DNER: variants seen among roughly 807,000 people sequenced by gnomAD.
DNER encodes the protein delta and Notch-like epidermal growth factor-related receptor.
A neutral mutation model predicts 78.2 loss-of-function variants in DNER; 33 were observed. That is an observed-to-expected ratio of 0.42 (90% CI 0.32 to 0.56). DNER has a LOEUF of 0.56. Among genes scored for constraint, DNER ranks in the 20% least tolerant of loss-of-function variants. DNER has a pLI of 0.11. For synonymous variants in DNER, 417 were observed against 384.8 expected, an observed-to-expected ratio of 1.08 and a Z score of -0.98; for missense variants, 918 against 975.3, an observed-to-expected ratio of 0.94 and a Z score of 0.78.
At chr2:229,700,290 G>GTGTGCAT (rs749320802) in intron 1 of DNER, among the ~76,000 whole-genome samples, 1 of 146,972 alleles carries the variant, frequency 6.8e-6, no homozygotes, top group Non-Finnish European at 1.5e-5. Flanking sequence ...ATATATGTGT[G>GTGTGCAT]TGTGTGTGTG....
intron 1 of DNER, among the ~76,000 whole-genome samples, chr2:229,606,518 T>G (rs1697941563): frequency 6.6e-6 from 1 of 151,986 alleles, no homozygotes; most frequent in Admixed American, 6.6e-5. Context: ...CCATGAATAA[T>G]TAAAATCTCC....
chr2:229,407,818 T>C lies in DNER; in HGVS notation c.1610-473A>G, dbSNP rs140395982. Among the ~76,000 whole-genome samples the C allele has an allele frequency of 3.1e-4, 47 of 152,318 alleles. No individual in the cohort carries two copies. The East Asian group carries it at 7.5e-3, about 24-fold the overall frequency. On this transcript the variant is annotated intron_variant, in intron 9 of 12. Coordinates refer to ENST00000341772, the MANE Select transcript of DNER (RefSeq NM_139072.4). Reference sequence around the variant, plus strand: ...GGGAGAGGGGAAGCCGTGTGATACTTAGACTTCATTCTCAAAGACATCACT... The same window carrying C: ...GGGAGAGGGGAAGCCGTGTGATACTCAGACTTCATTCTCAAAGACATCACT...
At chr2:229,401,633 C>A (rs1294845772) in intron 10 of DNER, among the ~76,000 whole-genome samples, 1 of 151,940 alleles carries the variant, frequency 6.6e-6, no homozygotes, top group African/African-American at 2.4e-5. Context: ...TACAAAAATG[C>A]AAAATACACT....
intron 1 of DNER, among the ~76,000 whole-genome samples, chr2:229,686,190 C>A (rs1699479786): frequency 6.6e-6 from 1 of 152,118 alleles, no homozygotes; most frequent in South Asian, 2.1e-4. Context: ...GGCAAATACA[C>A]CCACATTTGC....
At chr2:229,363,998 T>C (rs1692280103) in intron 12 of DNER, among the ~76,000 whole-genome samples, 1 of 131,228 alleles carries the variant, frequency 7.6e-6, no homozygotes, top group African/African-American at 3.2e-5. Context: ...TTTTTTTTTT[T>C]TTTTTTTTTT....
intron 1 of DNER, among the ~76,000 whole-genome samples, chr2:229,645,902 T>C (rs902615617): frequency 2.0e-5 from 3 of 152,180 alleles, no homozygotes; most frequent in African/African-American, 7.2e-5. Flanking sequence ...AACAACTATA[T>C]GCACACAGTC....
In DNER at chr2:229,536,076, G is replaced by C. The variant is rs551897227; in HGVS notation, c.993+10871C>G. Among the ~76,000 whole-genome samples, 205 of 152,328 alleles carry C rather than the reference G, an allele frequency of 1.3e-3. 1 individual carries two copies. Among genetic ancestry groups the C allele is most frequent in the African/African-American group, 4.7e-3 (196 of 41,576 alleles). The stretch of plus-strand genomic sequence containing the variant: ...TCCTTATAATTTAAAGTCATATTTG[G>C]AGTGGGTGCAGAGGACCGAACACCA... On this transcript the variant is annotated intron_variant, in intron 5 of 12. Transcript: ENST00000341772.
At chr2:229,663,662 A>T (rs141708456) in intron 1 of DNER, among the ~76,000 whole-genome samples, 16 of 152,332 alleles carry the variant, frequency 1.1e-4, no homozygotes, top group African/African-American at 3.6e-4. Flanking sequence ...CCATCCTTAC[A>T]TTGTTATCCA....
At chr2:229,544,760 C>T (rs1696586912) in intron 5 of DNER, among the ~76,000 whole-genome samples, 1 of 152,136 alleles carries the variant, frequency 6.6e-6, no homozygotes, top group Non-Finnish European at 1.5e-5. Flanking sequence ...TCTCGAACTA[C>T]TGACCTCAGG....
At chr2:229,528,912 G>T (rs72983898) in intron 5 of DNER, among the ~76,000 whole-genome samples, 3 of 152,140 alleles carry the variant, frequency 2.0e-5, no homozygotes, top group Non-Finnish European at 4.4e-5. Flanking sequence ...CATGTCCCGG[G>T]GCTGTGGCAG....
chr2:229,524,696 G>A (rs1696171642), intron 5 of DNER, among the ~76,000 whole-genome samples: 2 of 152,184 alleles, frequency 1.3e-5, no homozygotes, highest in African/African-American at 2.4e-5. Flanking sequence ...CTTGGAGATA[G>A]GGAAGAATCA....
chr2:229,386,473 G>T (rs6755840), intron 11 of DNER, among the ~76,000 whole-genome samples: 9,579 of 152,154 alleles, frequency 0.063, 351 homozygotes, highest in Middle Eastern at 0.088. Context: ...TGACAAATGA[G>T]ATCTAATTAA....
intron 5 of DNER, among the ~76,000 whole-genome samples, chr2:229,546,676 C>G (rs1026141615): frequency 6.6e-6 from 1 of 152,134 alleles, no homozygotes; most frequent in African/African-American, 2.4e-5. Flanking sequence ...CCAGAGGTTG[C>G]GGTAAGCCGA....
chr2:229,463,535 G>T (rs1694745255), intron 7 of DNER, among the ~76,000 whole-genome samples: 1 of 152,052 alleles, frequency 6.6e-6, no homozygotes, highest in Non-Finnish European at 1.5e-5. Context: ...TGAACTCCTG[G>T]GTTCAAGTGA....
intron 7 of DNER, among the ~76,000 whole-genome samples, chr2:229,465,883 C>A (rs1259741536): frequency 6.6e-6 from 1 of 151,972 alleles, no homozygotes; most frequent in East Asian, 1.9e-4. Context: ...CCCAATAGCA[C>A]CCCCGTATAT....
At chr2:229,693,925 G>T (rs558036378) in intron 1 of DNER, among the ~76,000 whole-genome samples, 9 of 152,208 alleles carry the variant, frequency 5.9e-5, no homozygotes, top group Non-Finnish European at 1.0e-4. Context: ...TGTCTCCAGG[G>T]CATGTCAGAG....
intron 9 of DNER, among the ~76,000 whole-genome samples, chr2:229,409,440 C>T (rs1045688819): frequency 1.3e-5 from 2 of 152,194 alleles, no homozygotes; most frequent in Non-Finnish European, 2.9e-5. Context: ...TCTAGTAATA[C>T]ATTAACATCA....
intron 4 of DNER, among the ~76,000 whole-genome samples, chr2:229,569,917 T>C (rs1173127710): frequency 1.3e-5 from 2 of 152,176 alleles, no homozygotes; most frequent in Non-Finnish European, 2.9e-5. Flanking sequence ...CTACGAAATA[T>C]GATCAGATGC....
chr2:229,710,975 A>G (rs1276654767), intron 1 of DNER, among the ~76,000 whole-genome samples: 1 of 116,242 alleles, frequency 8.6e-6, no homozygotes, highest in East Asian at 2.4e-4. Context: ...AATGGCATGC[A>G]TACACGCGCA....
Sources: allele counts gnomAD v4.1 joint callset (sites outside exome capture counted in the v4.1 genomes callset), GRCh38; gene constraint gnomAD v4.1.1; transcripts MANE v1.5; gene names NCBI Gene and HGNC (gene_info 2026-07-23, HGNC 2026-07-21).